Variants in CSGALNACT1 observed in about 807,000 individuals in gnomAD.
CSGALNACT1 encodes chondroitin sulfate N-acetylgalactosaminyltransferase 1.
In CSGALNACT1, 52 loss-of-function variants were observed where a neutral mutation model predicts 51.0. That is an observed-to-expected ratio of 1.02 (90% CI 0.82 to 1.29). The LOEUF is 1.29. CSGALNACT1 is among the 50% of genes most tolerant of loss of function. CSGALNACT1 has a pLI of 0.00. For missense variants in CSGALNACT1, 935 were observed against 679.2 expected (o/e 1.38, Z -4.19); for synonymous variants, 341 against 254.4 (o/e 1.34, Z -3.24).
intron 4 of CSGALNACT1, among the ~76,000 whole-genome samples, chr8:19,489,039 C>T (rs903766339): frequency 2.0e-5 from 3 of 152,108 alleles, no homozygotes; most frequent in Non-Finnish European, 4.4e-5. Context: ...AAAGATGTAT[C>T]TCCTACAGGT....
intron 1 of CSGALNACT1, among the ~76,000 whole-genome samples, chr8:19,646,364 C>G (rs117303265): frequency 0.027 from 4,107 of 152,188 alleles, 87 homozygotes; most frequent in Non-Finnish European, 0.04. Context: ...AGTTAAAGGG[C>G]AATTCTGACA....
chr8:19,704,497 A>G (rs879147809), intron 1 of CSGALNACT1, among the ~76,000 whole-genome samples: 4 of 152,226 alleles, frequency 2.6e-5, no homozygotes, highest in African/African-American at 9.6e-5. Context: ...TGGTATAGCC[A>G]TTATGGAAAA....
At chr8:19,720,291 A>G (rs571650422) in intron 1 of CSGALNACT1, among the ~76,000 whole-genome samples, 1 of 152,320 alleles carries the variant, frequency 6.6e-6, no homozygotes, top group South Asian at 2.1e-4. Flanking sequence ...TAAGAGAGAT[A>G]AATAAGACGC....
At chr8:19,644,709 CAAAAAAAAAAAAA>C (rs756025465) in intron 1 of CSGALNACT1, among the ~76,000 whole-genome samples, 3 of 22,276 alleles carry the variant, frequency 1.3e-4, no homozygotes, top group East Asian at 3.6e-3. Context: ...GACTCCGTCT[CAAAAAAAAAAAAA>C]AAAAAAAAAA....
intron 1 of CSGALNACT1, among the ~76,000 whole-genome samples, chr8:19,722,088 A>G (rs926667434): frequency 6.6e-6 from 1 of 152,208 alleles, no homozygotes; most frequent in Non-Finnish European, 1.5e-5. Context: ...TTCAATAGAA[A>G]CCTTTTGCTT....
intron 6 of CSGALNACT1, among the ~76,000 whole-genome samples, chr8:19,432,138 TACAGG>T (rs2059741647): frequency 1.3e-5 from 2 of 152,212 alleles, no homozygotes; most frequent in Admixed American, 6.5e-5. Flanking sequence ...TAGTATTTCA[TACAGG>T]GCATGTTTAT....
chr8:19,416,573 A>C lies in CSGALNACT1; in HGVS notation c.1227+2083T>G, dbSNP rs377254100. On this transcript the variant is annotated intron_variant, in intron 8 of 9. Transcript: ENST00000454498. ...TAGTCCTGTATTACAAGCTCCACTC[A>C]TGGGAACCATTTTTAAAATCTTTTA... Among the ~76,000 whole-genome samples the C allele has an allele frequency of 2.0e-5, 3 of 152,308 alleles. No homozygotes were observed. The East Asian group carries it at 5.8e-4, about 29-fold the overall frequency.
intron 1 of CSGALNACT1, among the ~76,000 whole-genome samples, chr8:19,656,015 G>A (rs17128811): frequency 0.01 from 1,541 of 152,232 alleles, 23 homozygotes; most frequent in African/African-American, 0.035. Flanking sequence ...TGGAGGTTGA[G>A]CAGGATTTGA....
At chr8:19,505,329 T>C in exon 4 of CSGALNACT1, 4 of 1,614,186 alleles carry the variant, frequency 2.5e-6, no homozygotes, top group Non-Finnish European at 3.4e-6. Flanking sequence ...CACAGGCTTC[T>C]CCTCGGGGTG....
intron 1 of CSGALNACT1, among the ~76,000 whole-genome samples, chr8:19,612,933 G>A (rs953399149): frequency 7.3e-5 from 4 of 54,948 alleles, no homozygotes; most frequent in African/African-American, 3.0e-4. Flanking sequence ...AAAGAAGAGA[G>A]GAAAAGCAGC....
chr8:19,721,645 C>G (rs748452903), intron 1 of CSGALNACT1, among the ~76,000 whole-genome samples: 4 of 152,158 alleles, frequency 2.6e-5, no homozygotes, highest in Non-Finnish European at 4.4e-5. Flanking sequence ...CATTCCATGA[C>G]AAACACAGAA....
chr8:19,753,603 T>A (rs2065178380), intron 1 of CSGALNACT1, among the ~76,000 whole-genome samples: 2 of 152,288 alleles, frequency 1.3e-5, no homozygotes, highest in South Asian at 2.1e-4. Flanking sequence ...ATATATTGAG[T>A]GCTTCAGAAA....
Position 19,544,560 on chromosome 8 carries a change from T to A in CSGALNACT1, c.-296-38430A>T, listed in dbSNP as rs148211104. On this transcript the variant is annotated intron_variant, in intron 3 of 9. Transcript: ENST00000454498. ...TAACTCCGAACAGATATCCACCTGA[T>A]TGAATGACCCTTTTGCTTTTTAACC... is the stretch of plus-strand genomic sequence containing the variant. Among the ~76,000 whole-genome samples the A allele has an allele frequency of 2.8e-4, 43 of 152,306 alleles. 1 individual carries two copies. Among genetic ancestry groups the A allele is most frequent in the Non-Finnish European group, 5.9e-4 (40 of 68,026 alleles).
At chr8:19,739,095 T>C (rs1476578256) in intron 1 of CSGALNACT1, among the ~76,000 whole-genome samples, 1 of 152,002 alleles carries the variant, frequency 6.6e-6, no homozygotes, top group Non-Finnish European at 1.5e-5. Flanking sequence ...ATGGTGGTTA[T>C]GTACAATAAA....
intron 4 of CSGALNACT1, among the ~76,000 whole-genome samples, chr8:19,463,293 G>A (rs1338855708): frequency 6.6e-6 from 1 of 152,020 alleles, no homozygotes; most frequent in African/African-American, 2.4e-5. Context: ...TTTTAAAAAC[G>A]TTATTTAAAA....
chr8:19,442,498 C>T (rs1255790723), intron 5 of CSGALNACT1, among the ~76,000 whole-genome samples: 1 of 147,486 alleles, frequency 6.8e-6, no homozygotes. Context: ...CATGTTCTCA[C>T]TCATAGGTGG....
At chr8:19,529,763 T>G (rs922251711) in intron 3 of CSGALNACT1, among the ~76,000 whole-genome samples, 1 of 152,188 alleles carries the variant, frequency 6.6e-6, no homozygotes, top group Non-Finnish European at 1.5e-5. Context: ...AGCTCCCTTA[T>G]GCAAAATGGT....
chr8:19,471,942 A>G (rs573864224), intron 4 of CSGALNACT1, among the ~76,000 whole-genome samples: 97 of 152,322 alleles, frequency 6.4e-4, no homozygotes, highest in Non-Finnish European at 1.2e-3. Context: ...AGGCTGCTCA[A>G]AACAACTCCA....
upstream of CSGALNACT1, among the ~76,000 whole-genome samples, chr8:19,603,674 A>G (rs1344636091): frequency 6.6e-6 from 1 of 152,178 alleles, no homozygotes; most frequent in Non-Finnish European, 1.5e-5. Flanking sequence ...CTGATTCCCA[A>G]CCACTTAAAT....
Sources: gnomAD v4.1 joint callset for allele counts (sites outside exome capture counted in the v4.1 genomes callset) on GRCh38, gnomAD v4.1.1 for gene constraint, MANE v1.5 for transcripts, NCBI Gene and HGNC (gene_info 2026-07-23, HGNC 2026-07-21) for gene names.